The following SND1 variants were observed in gnomAD, a reference collection of about 807,000 sequenced individuals.
The protein encoded by SND1 is staphylococcal nuclease domain-containing protein 1.
Under a neutral mutation model 121.7 loss-of-function variants are expected in SND1, and 38 were observed. The observed-to-expected ratio is 0.31, with a 90% confidence interval of 0.24 to 0.41. The LOEUF (loss-of-function observed/expected upper bound fraction) is 0.41. Among genes scored for constraint, SND1 ranks in the 10% least tolerant of loss-of-function variants. SND1 has a pLI of 1.00. For missense variants in SND1, 868 were observed against 1,184.6 expected, an observed-to-expected ratio of 0.73 and a Z score of 3.92; for synonymous variants, 401 against 447.4, an observed-to-expected ratio of 0.90 and a Z score of 1.31.
intron 11 of SND1, among the ~76,000 whole-genome samples, chr7:127,811,202 G>T (rs1273708802): frequency 6.6e-6 from 1 of 152,100 alleles, no homozygotes; most frequent in Non-Finnish European, 1.5e-5. Context: ...ACTTAGAATT[G>T]GGCATTTTTC....
intron 11 of SND1, among the ~76,000 whole-genome samples, chr7:127,832,476 G>T (rs325449): frequency 6.6e-6 from 1 of 152,168 alleles, no homozygotes; most frequent in African/African-American, 2.4e-5. Context: ...AGTAGATAAA[G>T]GTGGGAAAAT....
At chr7:128,056,308 C>T (rs1216595444) in intron 16 of SND1, among the ~76,000 whole-genome samples, 1 of 152,222 alleles carries the variant, frequency 6.6e-6, no homozygotes, top group Non-Finnish European at 1.5e-5. Flanking sequence ...TGTTCAGGGG[C>T]AGTAGCTGGA....
chr7:127,793,052 G>C (rs1797942474), intron 10 of SND1, among the ~76,000 whole-genome samples: 1 of 152,206 alleles, frequency 6.6e-6, no homozygotes, highest in Non-Finnish European at 1.5e-5. Flanking sequence ...CATCACAGTA[G>C]CTTCATAATG....
At chr7:128,088,324 G>A (rs1157583617) in intron 21 of SND1, among the ~76,000 whole-genome samples, 4 of 148,716 alleles carry the variant, frequency 2.7e-5, no homozygotes, top group Admixed American at 6.7e-5. Flanking sequence ...GGTGGCACAC[G>A]CCTGTACTCC....
intron 11 of SND1, among the ~76,000 whole-genome samples, chr7:127,826,018 C>A (rs1242829714): frequency 6.6e-6 from 1 of 151,980 alleles, no homozygotes. Context: ...GGCGAAACCC[C>A]CATCTCTACT....
At chr7:128,002,612 C>G (rs1802863436) in intron 16 of SND1, among the ~76,000 whole-genome samples, 2 of 152,194 alleles carry the variant, frequency 1.3e-5, no homozygotes, top group Admixed American at 1.3e-4. Flanking sequence ...TTGCAGTGTT[C>G]TCCACTTGCC....
chr7:127,735,621 TTTG>T (rs1554418520), intron 10 of SND1, among the ~76,000 whole-genome samples: 7 of 152,074 alleles, frequency 4.6e-5, no homozygotes, highest in African/African-American at 9.7e-5. Context: ...CCTGTTTTTT[TTTG>T]TTGTTGTTGT....
intron 16 of SND1, among the ~76,000 whole-genome samples, chr7:128,048,336 T>C (rs900547167): frequency 6.6e-6 from 1 of 152,096 alleles, no homozygotes; most frequent in Admixed American, 6.5e-5. Context: ...GACTACGCTT[T>C]GCAGACTTTC....
At chr7:127,923,078 T>G (rs563905795) in intron 14 of SND1, among the ~76,000 whole-genome samples, 1 of 152,256 alleles carries the variant, frequency 6.6e-6, no homozygotes, top group Admixed American at 6.5e-5. Context: ...AGCCTCAAAC[T>G]CCTGGGCTGA....
At chr7:128,060,221 A>G (rs1793208609) in intron 16 of SND1, among the ~76,000 whole-genome samples, 3 of 152,246 alleles carry the variant, frequency 2.0e-5, no homozygotes, top group Admixed American at 2.0e-4. Flanking sequence ...CCTCGTTCGC[A>G]TGTGGGAACT....
chr7:127,867,914 T>G (rs201852835), intron 12 of SND1, among the ~76,000 whole-genome samples: 2 of 140,376 alleles, frequency 1.4e-5, no homozygotes, highest in Non-Finnish European at 3.1e-5. Flanking sequence ...AAAAAAAAAA[T>G]TAAATGCATT....
intron 10 of SND1, among the ~76,000 whole-genome samples, chr7:127,785,002 TCTTGACCTCCTCAGCTCCTGC>T (rs893287337): frequency 1.5e-4 from 23 of 152,174 alleles, no homozygotes; most frequent in African/African-American, 5.3e-4. Context: ...TACTGTAGCC[TCTTGACCTCCTCAGCTCCTGC>T]CTTGACCTCC....
chr7:128,092,080 C>G lies in SND1; in HGVS notation c.*22C>G. 1 of 1,613,446 alleles carries G rather than the reference C, an allele frequency of 6.2e-7. No individual in the cohort carries two copies. Among genetic ancestry groups the G allele is most frequent in the Non-Finnish European group, 8.5e-7 (1 of 1,179,442 alleles). The stretch of plus-strand genomic sequence containing the variant: ...CTAAGGAGGGGATCGGGTTTGGCCC[C>G]CAGCCCCGCTCACGCCAGTCCCTCT... On this transcript the variant is annotated 3_prime_UTR_variant, in exon 24 of 24. Transcript: ENST00000354725. This position sits in a 1 kb window ranked among gnomAD's most constrained non-coding sequence, Gnocchi z 4.9.
intron 1 of SND1, among the ~76,000 whole-genome samples, chr7:127,685,700 G>A (rs937007277): frequency 1.3e-5 from 2 of 152,188 alleles, no homozygotes; most frequent in African/African-American, 2.4e-5. Flanking sequence ...GCCACTGACT[G>A]CACTTGGGAG....
Position 127,807,469 on chromosome 7 carries a change from T to G in SND1, c.1153-15T>G, listed in dbSNP as rs1358793438. ...TATTGTTCATTCCTGATGTCATGTT[T>G]TATTTTACTTTTAGGATAAGAACAA... On this transcript the variant is annotated splice_polypyrimidine_tract_variant and intron_variant, in intron 10 of 23. Coordinates refer to ENST00000354725, the MANE Select transcript of SND1 (RefSeq NM_014390.4). The G allele has an allele frequency of 3.8e-6, 6 of 1,597,516 alleles. No homozygotes were observed. The highest frequency in any genetic ancestry group is 5.2e-6 in the Non-Finnish European group (6 of 1,165,022).
At chr7:127,981,274 A>G (rs1026788482) in intron 15 of SND1, among the ~76,000 whole-genome samples, 2 of 145,552 alleles carry the variant, frequency 1.4e-5, no homozygotes, top group African/African-American at 5.5e-5. Flanking sequence ...AAACCCAGGA[A>G]AAAAAAAAAA....
At chr7:127,670,281 G>A (rs753259193) in intron 1 of SND1, among the ~76,000 whole-genome samples, 2 of 127,362 alleles carry the variant, frequency 1.6e-5, no homozygotes, top group Non-Finnish European at 3.3e-5. Flanking sequence ...GAGCCACCAC[G>A]CCTGGCCTAA....
At chr7:127,891,920 T>C (rs1364497737) in intron 13 of SND1, among the ~76,000 whole-genome samples, 1 of 152,160 alleles carries the variant, frequency 6.6e-6, no homozygotes, top group African/African-American at 2.4e-5. Flanking sequence ...GCCACATTCA[T>C]ATCAGTCATT....
In SND1 at chr7:128,029,381, C is replaced by A; in HGVS notation, c.1779+38325C>A. ...CATTGGTCACCATGCATGTGTACACCCCAGTGTCTGAAAGCAGCACGTGGG... is the reference window on the plus strand; with the variant it reads ...CATTGGTCACCATGCATGTGTACACACCAGTGTCTGAAAGCAGCACGTGGG... On this transcript the variant is annotated intron_variant, in intron 16 of 23. Transcript: ENST00000354725. This position sits in a 1 kb window ranked among gnomAD's most constrained non-coding sequence, Gnocchi z 4.2. 1 of 1,614,116 alleles carries A rather than the reference C, an allele frequency of 6.2e-7. No individual in the cohort carries two copies. Among genetic ancestry groups the A allele is most frequent in the Non-Finnish European group, 8.5e-7 (1 of 1,180,038 alleles).
Sources: gnomAD v4.1 joint callset for allele counts (sites outside exome capture counted in the v4.1 genomes callset) on GRCh38, gnomAD v4.1.1 for gene constraint, Gnocchi (gnomAD v3.1) non-coding constraint, MANE v1.5 for transcripts, NCBI Gene and HGNC (gene_info 2026-07-23, HGNC 2026-07-21) for gene names.